ANKRD11: variants seen among roughly 807,000 people sequenced by gnomAD.
The protein encoded by ANKRD11 is ankyrin repeat domain-containing protein 11.
Under a neutral mutation model 195.7 loss-of-function variants are expected in ANKRD11, and 17 were observed. The observed-to-expected ratio is 0.09, with a 90% confidence interval of 0.06 to 0.13. ANKRD11 has a LOEUF of 0.13. ANKRD11 is among the 10% of genes least tolerant of loss of function. The pLI is 1.00. For missense variants in ANKRD11, 3,735 were observed against 3,566.1 expected (o/e 1.05, Z -1.21); for synonymous variants, 1,953 against 1,528.1 (o/e 1.28, Z -6.49).
intron 3 of ANKRD11, among the ~76,000 whole-genome samples, chr16:89,309,573 G>A (rs1787636874): frequency 6.6e-6 from 1 of 152,196 alleles, no homozygotes; most frequent in Non-Finnish European, 1.5e-5. Flanking sequence ...AGCACACATG[G>A]GCAAGGCGCC....
intron 2 of ANKRD11, among the ~76,000 whole-genome samples, chr16:89,402,745 G>T (rs1156791099): frequency 6.8e-6 from 1 of 147,084 alleles, no homozygotes; most frequent in African/African-American, 2.5e-5. Context: ...GGTGAGATAG[G>T]GGGTATCTGC....
intron 1 of ANKRD11, among the ~76,000 whole-genome samples, chr16:89,484,252 T>A (rs912656723): frequency 6.6e-6 from 1 of 152,184 alleles, no homozygotes; most frequent in African/African-American, 2.4e-5. Context: ...TTGCAAGATG[T>A]AAAACCACAT....
intron 1 of ANKRD11, among the ~76,000 whole-genome samples, chr16:89,488,512 A>G (rs141115410): frequency 1.6e-3 from 239 of 150,040 alleles, no homozygotes; most frequent in African/African-American, 5.7e-3. Context: ...ATCATTCTCT[A>G]ACAGAACTCG....
chr16:89,402,483 C>G (rs577866889), intron 2 of ANKRD11, among the ~76,000 whole-genome samples: 1 of 152,112 alleles, frequency 6.6e-6, no homozygotes, highest in East Asian at 1.9e-4. Context: ...AGTTCAAGAG[C>G]ATCCTGGGAA....
At chr16:89,317,188 CT>C in intron 2 of ANKRD11, 110 bp from the exon 3 acceptor site, 3 of 821,078 alleles carry the variant, frequency 3.7e-6, no homozygotes, top group Non-Finnish European at 6.0e-6. Context: ...GGCAGCTGCT[CT>C]GATCAGGGCT....
In ANKRD11 at chr16:89,490,310, C is replaced by G. The variant is rs1365432908; in HGVS notation, c.-210G>C. The stretch of plus-strand genomic sequence containing the variant: ...CGGGGCGCGGGCGCTGCCCATGCAG[C>G]CCGCGGCCGCGTTTCCCGGGCCGCG... On this transcript the variant is annotated 5_prime_UTR_variant, in exon 1 of 13. Transcript: ENST00000301030. The G allele has an allele frequency of 6.8e-6, 1 of 147,338 alleles. No homozygotes were observed. The highest frequency in any genetic ancestry group is 2.0e-4 in the East Asian group (1 of 5,066). The allele number at this position is 147,338 out of a possible 1,614,324, so 9.1% of individuals were successfully genotyped here.
At chr16:89,385,319 C>CT (rs978941034) in intron 2 of ANKRD11, among the ~76,000 whole-genome samples, 31 of 151,524 alleles carry the variant, frequency 2.0e-4, no homozygotes, top group African/African-American at 7.0e-4. Flanking sequence ...AGTAGAGACG[C>CT]TGTTTTGCCA....
In ANKRD11 at chr16:89,366,590, G is replaced by A. The variant is rs145754873; in HGVS notation, c.-59-49512C>T. ...CACGATCAGCTGGTTTCCACTCGCT[G>A]AAATCAGCAGACTCTTGTTGAAAAG... is the stretch of plus-strand genomic sequence containing the variant. On this transcript the variant is annotated intron_variant, in intron 2 of 12. Transcript: ENST00000301030. Among the ~76,000 whole-genome samples the A allele has an allele frequency of 4.6e-3, 697 of 152,342 alleles. 8 individuals carry two copies. The highest frequency in any genetic ancestry group is 0.033 in the South Asian group (158 of 4,828).
chr16:89,421,736 C>T (rs980816739), intron 1 of ANKRD11, among the ~76,000 whole-genome samples: 2 of 132,578 alleles, frequency 1.5e-5, no homozygotes, highest in Admixed American at 8.1e-5. Context: ...CACGAAGGGT[C>T]GGTGTGTGAT....
intron 12 of ANKRD11, 68 bp from the exon 13 acceptor site, chr16:89,268,731 C>CA: frequency 6.6e-7 from 1 of 1,525,480 alleles, no homozygotes; most frequent in Non-Finnish European, 8.9e-7. Flanking sequence ...CTGCCGACCT[C>CA]AGCTGCCAGC....
chr16:89,419,593 G>T (rs1165948142), intron 1 of ANKRD11, among the ~76,000 whole-genome samples: 1 of 152,094 alleles, frequency 6.6e-6, no homozygotes, highest in Non-Finnish European at 1.5e-5. Flanking sequence ...CAAACATCAG[G>T]CTCTCCTCCA....
chr16:89,313,957 AG>A (rs2036776531), intron 3 of ANKRD11, among the ~76,000 whole-genome samples: 1 of 152,226 alleles, frequency 6.6e-6, no homozygotes. Context: ...AAAACAGGAC[AG>A]GCTGGGTGTG....
At chr16:89,370,373 T>G (rs2040141364) in intron 2 of ANKRD11, among the ~76,000 whole-genome samples, 2 of 152,080 alleles carry the variant, frequency 1.3e-5, no homozygotes, top group Admixed American at 1.3e-4. Context: ...GCCCGGTACC[T>G]GCCCCAGCCA....
chr16:89,486,995 C>T (rs375349989), intron 1 of ANKRD11, among the ~76,000 whole-genome samples: 1 of 143,146 alleles, frequency 7.0e-6, no homozygotes, highest in African/African-American at 2.6e-5. Context: ...GGCAACAAAG[C>T]GAGACTCCGT....
At chr16:89,322,784 G>C (rs113553931) in intron 2 of ANKRD11, among the ~76,000 whole-genome samples, 6 of 152,384 alleles carry the variant, frequency 3.9e-5, no homozygotes, top group African/African-American at 1.4e-4. Flanking sequence ...TGGTGATGAG[G>C]TGTGGCCTGC....
chr16:89,404,512 A>T (rs1387628963), intron 2 of ANKRD11, among the ~76,000 whole-genome samples: 1 of 152,254 alleles, frequency 6.6e-6, no homozygotes, highest in Non-Finnish European at 1.5e-5. Flanking sequence ...AAAATGAGCC[A>T]ACAGTTTGAA....
intron 1 of ANKRD11, among the ~76,000 whole-genome samples, chr16:89,426,413 C>G (rs2042716640): frequency 1.3e-5 from 2 of 152,022 alleles, no homozygotes; most frequent in Non-Finnish European, 2.9e-5. Flanking sequence ...CCACAAGACC[C>G]CAACCAGCGC....
At position 89,286,052 on chromosome 16, in the gene ANKRD11, C is replaced by A; in HGVS notation, c.879G>T (p.Glu293Asp). ...LLGKGTYTSS[E>D]ESSTESSEEE... ...GCCGTGACTTACCCGTCGAGCTCTCCTCGCTGGAAGTGTAAGTGCCTTTGC... is the reference window on the plus strand; with the variant it reads ...GCCGTGACTTACCCGTCGAGCTCTCATCGCTGGAAGTGTAAGTGCCTTTGC... Residue 293 changes from glutamate (E) to aspartate (D), a missense_variant, in exon 8 of 13, where the codon GAG becomes GAT. Glu to Asp is a conservative substitution (Grantham distance 45, BLOSUM62 2). Transcript: ENST00000301030. The A allele has an allele frequency of 6.2e-7, 1 of 1,614,216 alleles. No individual in the cohort carries two copies. The highest frequency in any genetic ancestry group is 8.5e-7 in the Non-Finnish European group (1 of 1,180,048).
At chr16:89,370,046 G>A (rs1482862578) in intron 2 of ANKRD11, among the ~76,000 whole-genome samples, 1 of 152,204 alleles carries the variant, frequency 6.6e-6, no homozygotes, top group Non-Finnish European at 1.5e-5. Context: ...TAACGAGAAC[G>A]CAAACCTTCT....
Sources: gnomAD v4.1 joint callset for allele counts (sites outside exome capture counted in the v4.1 genomes callset) on GRCh38, gnomAD v4.1.1 for gene constraint, MANE v1.5 for transcripts, NCBI Gene and HGNC (gene_info 2026-07-23, HGNC 2026-07-21) for gene names.